The following OSTN variants were observed in gnomAD, a reference collection of about 807,000 sequenced individuals.
OSTN encodes osteocrin.
A neutral mutation model predicts 12.0 loss-of-function variants in OSTN; 9 were observed. The ratio of observed to expected loss-of-function variants is 0.75; its 90% CI spans 0.45 to 1.30. The LOEUF is 1.30. OSTN is among the 50% of genes most tolerant of loss of function. OSTN has a pLI of 0.00. For missense variants in OSTN, 148 were observed against 152.3 expected (o/e 0.97, Z 0.15); for synonymous variants, 59 against 56.9 (o/e 1.04, Z -0.16).
At position 191,201,618 on chromosome 3, in the gene OSTN, T is replaced by C. The variant is rs80314790; in HGVS notation, c.-1+2311T>C. 5.9e-3 allele frequency among the ~76,000 whole-genome samples: 892 copies of C among 152,266 alleles called. 20 individuals carry two copies. Among genetic ancestry groups the C allele is most frequent in the Admixed American group, 0.04 (612 of 15,290 alleles). On this transcript the variant is annotated intron_variant, in intron 1 of 4. Coordinates refer to ENST00000682035, the MANE Select transcript of OSTN (RefSeq NM_198184.2). ...TAGTTGGAAGCAATTTTTATAGAAA[T>C]ATTATGACTCAAAATAATGATAATG... is the stretch of plus-strand genomic sequence containing the variant.
chr3:191,251,705 T>A (rs73199676), intron 4 of OSTN, among the ~76,000 whole-genome samples: 39,252 of 152,166 alleles, frequency 0.26, 5,745 homozygotes, highest in East Asian at 0.42. Flanking sequence ...GAGAACTTAC[T>A]GAATACTGCC....
chr3:191,214,931 G>C (rs1266865921), intron 2 of OSTN, among the ~76,000 whole-genome samples: 1 of 152,174 alleles, frequency 6.6e-6, no homozygotes, highest in Non-Finnish European at 1.5e-5. Context: ...AGAATCACTT[G>C]ATCCTGGGAG....
rs144554844 is a variant in OSTN at position 191,218,812 on chromosome 3, T to C, written c.168T>C (p.Thr56=). The C allele has an allele frequency of 1.2e-6, 2 of 1,613,988 alleles. No individual in the cohort carries two copies. The highest frequency in any genetic ancestry group is 2.7e-5 in the African/African-American group (2 of 74,924). ...CAGTCAGGGAAGAGAAATCAGCCAC[T>C]GACCTGACAGCAAAACTCTTGCTTC... The part of the protein sequence containing the change: ...TPTVREEKSA[T]DLTAKLLLLD... The change falls in exon 3 of 5, where the codon ACT becomes ACC. Residue 56 remains threonine (T), a synonymous_variant. Transcript: ENST00000682035.
At chr3:191,248,918 C>T (rs1270797670) in intron 3 of OSTN, among the ~76,000 whole-genome samples, 1 of 152,208 alleles carries the variant, frequency 6.6e-6, no homozygotes, top group African/African-American at 2.4e-5. Context: ...CATCGTACTC[C>T]AGCAGAAATC....
chr3:191,212,587 C>T lies in OSTN; in HGVS notation c.55C>T (p.Leu19=). 1 of 1,592,868 alleles carries T rather than the reference C, an allele frequency of 6.3e-7. No individual in the cohort carries two copies. ...AHFILAVTLT[L]WSSGKVLSVD... ...TTTCATCCTGGCTGTGACACTGACA[C>T]TGTGGAGCTCAGGAAAAGTCCTCTC... Residue 19 remains leucine (L), a synonymous_variant, in exon 2 of 5, where the codon CTG becomes TTG. Coordinates refer to ENST00000682035, the MANE Select transcript of OSTN (RefSeq NM_198184.2).
chr3:191,243,301 A>T (rs1715360908), intron 3 of OSTN, among the ~76,000 whole-genome samples: 1 of 152,228 alleles, frequency 6.6e-6, no homozygotes, highest in African/African-American at 2.4e-5. Context: ...CTGGGAATAT[A>T]TTGTAGAGGA....
chr3:191,262,738 G>A, intron 4 of OSTN, 128 bp from the exon 5 acceptor site: 1 of 539,736 alleles, frequency 1.9e-6, no homozygotes, highest in Non-Finnish European at 3.3e-6. Context: ...AAATTGCCAT[G>A]TAAATAAAGG....
chr3:191,232,732 C>T (rs1715092808), intron 3 of OSTN, among the ~76,000 whole-genome samples: 1 of 151,688 alleles, frequency 6.6e-6, no homozygotes, highest in Non-Finnish European at 1.5e-5. Context: ...TCCCAAGTAG[C>T]TGGGATTATA....
At chr3:191,231,403 G>T (rs547782153) in intron 3 of OSTN, among the ~76,000 whole-genome samples, 6 of 151,342 alleles carry the variant, frequency 4.0e-5, no homozygotes, top group Non-Finnish European at 2.9e-5. Context: ...AAAATGTGAC[G>T]TATTTAGTAA....
intron 4 of OSTN, among the ~76,000 whole-genome samples, chr3:191,255,318 G>T (rs1391276891): frequency 6.6e-6 from 1 of 152,144 alleles, no homozygotes; most frequent in African/African-American, 2.4e-5. Flanking sequence ...GACATGTGCT[G>T]GTCCGCAACC....
chr3:191,218,901 G>A lies in OSTN; in HGVS notation c.257G>A (p.Gly86Asp), dbSNP rs769690649. Residue 86 changes from glycine to aspartate, a missense_variant, in exon 3 of 5, where the codon GGT becomes GAT. Coordinates refer to ENST00000682035, the MANE Select transcript of OSTN (RefSeq NM_198184.2). ...ACAAAGAAGAAAAGGAGTTTCTCTG[G>A]TTTTGGGTCTCCCCTTGACAGACTC... ...IETKKKRSFS[G>D]FGSPLDRLSA... is the part of the protein sequence containing the mutation. The A allele has an allele frequency of 6.2e-7, 1 of 1,614,116 alleles. No homozygotes were observed. Among genetic ancestry groups the A allele is most frequent in the African/African-American group, 1.3e-5 (1 of 75,032 alleles).
chr3:191,241,166 A>ATTTTTTTTT (rs1378328058), intron 3 of OSTN, among the ~76,000 whole-genome samples: 1 of 48,342 alleles, frequency 2.1e-5, no homozygotes, highest in Non-Finnish European at 4.9e-5. Flanking sequence ...CTGTGCCTTG[A>ATTTTTTTTT]CTTTTTTTTT....
chr3:191,257,006 C>T (rs1320225912), intron 4 of OSTN, among the ~76,000 whole-genome samples: 3 of 151,818 alleles, frequency 2.0e-5, no homozygotes, highest in Non-Finnish European at 1.5e-5. Flanking sequence ...AACAAAGGGG[C>T]ACCCCATCTG....
At chr3:191,213,378 A>G (rs1264750621) in intron 2 of OSTN, 3 of 152,184 alleles carry the variant, frequency 2.0e-5, no homozygotes, top group Non-Finnish European at 4.4e-5. Flanking sequence ...TCTTCTCCTC[A>G]CAGAGGAGTC....
At chr3:191,215,334 T>C (rs1714580128) in intron 2 of OSTN, among the ~76,000 whole-genome samples, 2 of 152,206 alleles carry the variant, frequency 1.3e-5, no homozygotes, top group Non-Finnish European at 2.9e-5. Context: ...ATGAGATTTT[T>C]GGTAGGGTCA....
chr3:191,229,261 G>A (rs1714989515), intron 3 of OSTN, among the ~76,000 whole-genome samples: 1 of 152,200 alleles, frequency 6.6e-6, no homozygotes, highest in African/African-American at 2.4e-5. Context: ...AATGTTTTAT[G>A]TGTCCTGATT....
intron 3 of OSTN, among the ~76,000 whole-genome samples, chr3:191,245,861 T>C (rs892636832): frequency 6.6e-6 from 1 of 151,092 alleles, no homozygotes; most frequent in African/African-American, 2.4e-5. Flanking sequence ...AGGTCAGGAG[T>C]TCGAGACCAG....
intron 3 of OSTN, among the ~76,000 whole-genome samples, chr3:191,237,759 G>A (rs1715229304): frequency 6.6e-6 from 1 of 152,156 alleles, no homozygotes. Flanking sequence ...CCTTTCCCTG[G>A]TGCTGGCTGT....
chr3:191,212,404 G>C (rs1576923490), intron 1 of OSTN, 129 bp from the exon 2 acceptor site: 1 of 373,168 alleles, frequency 2.7e-6, no homozygotes, highest in South Asian at 8.3e-5. Context: ...TTGTAGAGAT[G>C]CACTCAAATA....
Sources: gnomAD v4.1 joint callset for allele counts (sites outside exome capture counted in the v4.1 genomes callset) on GRCh38, gnomAD v4.1.1 for gene constraint, MANE v1.5 for transcripts, NCBI Gene and HGNC (gene_info 2026-07-23, HGNC 2026-07-21) for gene names.